GRB14: variants seen among roughly 807,000 people sequenced by gnomAD.
GRB14 encodes the protein growth factor receptor-bound protein 14.
GRB14 carries 38 observed loss-of-function variants against 69.1 expected under a neutral mutation model. The observed-to-expected ratio is 0.55, with a 90% CI of 0.42 to 0.72. The LOEUF (loss-of-function observed/expected upper bound fraction) is 0.72, where lower values mean the gene tolerates loss of function less well. GRB14 is among the 30% of genes least tolerant of loss of function. GRB14 has a pLI of 0.00. For missense variants in GRB14, 666 were observed against 666.1 expected (o/e 1.00, Z 0.00); for synonymous variants, 247 against 241.3 (o/e 1.02, Z -0.22).
rs75386327 is a variant in GRB14, at chr2:164,617,925, A to T, written c.324+1762T>A. Among the ~76,000 whole-genome samples the T allele has an allele frequency of 5.8e-5, 7 of 120,210 alleles. No individual in the cohort carries two copies. In the East Asian group the frequency reaches 2.0e-3, roughly 35 times the overall value. 78.9% of individuals were successfully genotyped at this position (120,210 alleles called of 152,430 possible). ...TCATCATCAGACATTTCCTTTTCTTACTCTGGCTCAAGGACAAGCCAGAAT... is the reference window on the plus strand; with the variant it reads ...TCATCATCAGACATTTCCTTTTCTTTCTCTGGCTCAAGGACAAGCCAGAAT... On this transcript the variant is annotated intron_variant, in intron 2 of 13. Transcript: ENST00000263915.
chr2:164,587,584 T>C (rs1689567984), intron 2 of GRB14, among the ~76,000 whole-genome samples: 1 of 152,152 alleles, frequency 6.6e-6, no homozygotes, highest in South Asian at 2.1e-4. Flanking sequence ...CTACCAATTT[T>C]CATACTACAT....
intron 2 of GRB14, among the ~76,000 whole-genome samples, chr2:164,602,603 T>C (rs1689945232): frequency 6.6e-6 from 1 of 152,222 alleles, no homozygotes; most frequent in South Asian, 2.1e-4. Context: ...CAGATGATCA[T>C]CTAACAAAGA....
intron 2 of GRB14, among the ~76,000 whole-genome samples, chr2:164,561,206 A>G (rs962387949): frequency 6.6e-6 from 1 of 152,154 alleles, no homozygotes; most frequent in African/African-American, 2.4e-5. Context: ...TTCACAGTGG[A>G]CAGGGGATCC....
At chr2:164,595,559 T>G (rs1286615868) in intron 2 of GRB14, among the ~76,000 whole-genome samples, 1 of 152,126 alleles carries the variant, frequency 6.6e-6, no homozygotes, top group African/African-American at 2.4e-5. Flanking sequence ...GGGAAGGCTA[T>G]CAGGAGTCAG....
intron 6 of GRB14, among the ~76,000 whole-genome samples, chr2:164,521,630 A>C (rs1687635901): frequency 6.6e-6 from 1 of 152,112 alleles, no homozygotes; most frequent in Admixed American, 6.6e-5. Context: ...GAAGTAGACA[A>C]GATCAGCAGT....
At chr2:164,515,932 A>G (rs1405890300) in intron 6 of GRB14, among the ~76,000 whole-genome samples, 1 of 152,044 alleles carries the variant, frequency 6.6e-6, no homozygotes, top group Non-Finnish European at 1.5e-5. Flanking sequence ...AATGCTCTGG[A>G]AAGTTTCAAC....
At chr2:164,593,753 A>G (rs1300307042) in intron 2 of GRB14, among the ~76,000 whole-genome samples, 1 of 152,188 alleles carries the variant, frequency 6.6e-6, no homozygotes, top group East Asian at 1.9e-4. Context: ...GAGGCAGAAG[A>G]ATGGAAATTT....
At chr2:164,612,428 C>T (rs1690189416) in intron 2 of GRB14, among the ~76,000 whole-genome samples, 1 of 152,292 alleles carries the variant, frequency 6.6e-6, no homozygotes, top group Non-Finnish European at 1.5e-5. Flanking sequence ...GATGGTCTCC[C>T]TATGTCAGTC....
At position 164,598,984 on chromosome 2, in the gene GRB14, G is replaced by A. The variant is rs527512200; in HGVS notation, c.324+20703C>T. On this transcript the variant is annotated intron_variant, in intron 2 of 13. Coordinates refer to ENST00000263915, the MANE Select transcript of GRB14 (RefSeq NM_004490.3). ...ATGACTTTGTGGAATTGGAGAGAAG[G>A]GTTTATCTAGGCAATTCTTCTGTTC... Among the ~76,000 whole-genome samples, 7 of 152,258 alleles carry A rather than the reference G, an allele frequency of 4.6e-5. No homozygotes were observed. The South Asian group carries it at 1.5e-3, about 32-fold the overall frequency.
At chr2:164,532,705 G>T (rs909944132) in intron 3 of GRB14, among the ~76,000 whole-genome samples, 1 of 152,124 alleles carries the variant, frequency 6.6e-6, no homozygotes, top group Non-Finnish European at 1.5e-5. Context: ...TCTCCCTAAG[G>T]TTCTTGGAAA....
chr2:164,548,675 C>A (rs1307116356), intron 2 of GRB14, among the ~76,000 whole-genome samples: 1 of 152,064 alleles, frequency 6.6e-6, no homozygotes, highest in Non-Finnish European at 1.5e-5. Context: ...ACATTCTCAC[C>A]AACAGTGTAC....
In GRB14 at chr2:164,521,841, A is replaced by G. The variant is rs1403434386; in HGVS notation, c.816+139T>C. On this transcript the variant is annotated intron_variant, in intron 6 of 13. Transcript: ENST00000263915. ...AAGCTGAGTAGTGTTTAAATAATCA[A>G]GGCAAACGTTTTAAATCAAGAAAAT... The G allele has an allele frequency of 4.2e-6, 3 of 716,160 alleles. No homozygotes were observed. In the Admixed American group the frequency reaches 8.1e-5, roughly 19 times the overall value. 44.4% of individuals were successfully genotyped at this position (716,160 alleles called of 1,614,324 possible).
chr2:164,586,853 A>G (rs1295170712), intron 2 of GRB14, among the ~76,000 whole-genome samples: 5 of 152,168 alleles, frequency 3.3e-5, no homozygotes, highest in Non-Finnish European at 7.3e-5. Flanking sequence ...TAATAATGCA[A>G]TTGATGATCA....
At chr2:164,595,522 T>C (rs1689762119) in intron 2 of GRB14, among the ~76,000 whole-genome samples, 2 of 152,054 alleles carry the variant, frequency 1.3e-5, no homozygotes. Flanking sequence ...GGAAGTAAGA[T>C]GTGGAGTAGG....
At chr2:164,562,827 A>C (rs1688866220) in intron 2 of GRB14, among the ~76,000 whole-genome samples, 1 of 152,198 alleles carries the variant, frequency 6.6e-6, no homozygotes, top group African/African-American at 2.4e-5. Flanking sequence ...AGCTGAACTC[A>C]AACTCTGGGT....
chr2:164,580,018 A>G (rs1295511976), intron 2 of GRB14, among the ~76,000 whole-genome samples: 2 of 152,154 alleles, frequency 1.3e-5, no homozygotes, highest in African/African-American at 2.4e-5. Context: ...GACTACACAA[A>G]TATCTGGAAA....
At chr2:164,558,163 T>C (rs1207284455) in intron 2 of GRB14, among the ~76,000 whole-genome samples, 2 of 152,156 alleles carry the variant, frequency 1.3e-5, no homozygotes, top group African/African-American at 4.8e-5. Flanking sequence ...TCCTACTCTA[T>C]TATTTACCTT....
At chr2:164,536,384 TA>T (rs1288443267) in intron 3 of GRB14, among the ~76,000 whole-genome samples, 2 of 152,224 alleles carry the variant, frequency 1.3e-5, no homozygotes, top group African/African-American at 4.8e-5. Context: ...GCTAAGGCTT[TA>T]AAAATCTCTT....
At position 164,497,282 on chromosome 2, in the gene GRB14, T is replaced by A; in HGVS notation, c.1223A>T (p.Lys408Ile). Residue 408 changes from lysine (K) to isoleucine (I), a missense_variant and splice_region_variant, in exon 11 of 14, where the codon AAA (lysine) becomes ATA (isoleucine). Lys to Ile is a moderately radical substitution (Grantham distance 102). Transcript: ENST00000263915. ...VAVEEGLAWR[K>I]KGCLRLGTHG... ...AGTGCCCAGGCGTAAACATCCTTTT[T>A]TCTGAGCAAGGAAGGAGAAAACAAA... The A allele has an allele frequency of 6.2e-7, 1 of 1,612,632 alleles. No individual in the cohort carries two copies. Among genetic ancestry groups the A allele is most frequent in the Non-Finnish European group, 8.5e-7 (1 of 1,179,552 alleles).
Sources: gnomAD v4.1 joint callset for allele counts (sites outside exome capture counted in the v4.1 genomes callset) on GRCh38, gnomAD v4.1.1 for gene constraint, MANE v1.5 for transcripts, NCBI Gene and HGNC (gene_info 2026-07-23, HGNC 2026-07-21) for gene names.